HIP1: variants seen among roughly 807,000 people sequenced by gnomAD.
HIP1 encodes the protein huntingtin interacting protein 1.
In HIP1, 65 loss-of-function variants were observed where a neutral mutation model predicts 147.6. That is an observed-to-expected ratio of 0.44 (90% CI 0.36 to 0.54). The LOEUF (loss-of-function observed/expected upper bound fraction) is 0.54, where lower values mean the gene tolerates loss of function less well. Ranked by LOEUF, HIP1 falls within the 20% of genes least tolerant of loss-of-function variation. HIP1 has a pLI of 0.00. For synonymous variants in HIP1, 479 were observed against 504.0 expected, an observed-to-expected ratio of 0.95 and a Z score of 0.67; for missense variants, 1,061 against 1,299.6, an observed-to-expected ratio of 0.82 and a Z score of 2.82.
chr7:75,675,771 G>T (rs781960755), intron 1 of HIP1, among the ~76,000 whole-genome samples: 3 of 152,092 alleles, frequency 2.0e-5, no homozygotes, highest in Non-Finnish European at 4.4e-5. Flanking sequence ...TTAAGGCCAG[G>T]AGTTCAAGAC....
At chr7:75,565,337 C>T (rs1554495321) in intron 9 of HIP1, among the ~76,000 whole-genome samples, 1 of 152,208 alleles carries the variant, frequency 6.6e-6, no homozygotes, top group Admixed American at 6.5e-5. Context: ...GACCACACAT[C>T]CCCATCTTGC....
intron 1 of HIP1, among the ~76,000 whole-genome samples, chr7:75,678,723 T>C (rs1554516420): frequency 6.6e-6 from 1 of 152,146 alleles, no homozygotes. Flanking sequence ...TGCTGGGCCA[T>C]CTGGTTGGCA....
intron 1 of HIP1, among the ~76,000 whole-genome samples, chr7:75,698,779 C>A (rs565393753): frequency 6.6e-6 from 1 of 151,400 alleles, no homozygotes; most frequent in South Asian, 2.1e-4. Context: ...ATGATCATAT[C>A]ATGTACTCCA....
intron 21 of HIP1, 51 bp downstream of exon 21, chr7:75,554,062 G>A: frequency 7.1e-7 from 1 of 1,413,538 alleles, no homozygotes; most frequent in Non-Finnish European, 9.9e-7. Context: ...GACTTTTAAA[G>A]GCCCCCTGCT....
rs199683936 is a variant in HIP1, at chr7:75,563,161, C to T, written c.879+27G>A. On this transcript the variant is annotated intron_variant, in intron 10 of 30. Transcript: ENST00000336926. ...AGAGTACCTGGGGCCTCTGCAGTGC[C>T]GAGGGTGTGTGGTTGGGCATGCTTA... The T allele has an allele frequency of 1.1e-5, 18 of 1,613,658 alleles. No individual in the cohort carries two copies. The African/African-American group carries it at 2.0e-4, about 18-fold the overall frequency.
chr7:75,556,603 T>A (rs1030130832), intron 17 of HIP1, 107 bp downstream of exon 17: 2 of 725,598 alleles, frequency 2.8e-6, no homozygotes, highest in Non-Finnish European at 2.4e-6. Context: ...GAGGATCACC[T>A]GAGCCCAGGG....
intron 1 of HIP1, among the ~76,000 whole-genome samples, chr7:75,648,324 G>C (rs1304181895): frequency 6.6e-6 from 1 of 152,064 alleles, no homozygotes; most frequent in Non-Finnish European, 1.5e-5. Flanking sequence ...GAGTAGCTGG[G>C]GCTGGTTGGA....
chr7:75,619,853 C>T (rs1341529000), intron 1 of HIP1, among the ~76,000 whole-genome samples: 1 of 152,178 alleles, frequency 6.6e-6, no homozygotes, highest in East Asian at 1.9e-4. Context: ...TGTCATCTTG[C>T]TAACTATAGA....
chr7:75,573,521 C>T (rs904462332), intron 8 of HIP1, among the ~76,000 whole-genome samples: 1 of 152,212 alleles, frequency 6.6e-6, no homozygotes, highest in Non-Finnish European at 1.5e-5. Context: ...AAAACGGACA[C>T]CCCAAAGATC....
rs1326467279 is a variant in HIP1, at chr7:75,555,631, A to G, written c.1828-80T>C. On this transcript the variant is annotated intron_variant, in intron 18 of 30. Coordinates refer to ENST00000336926, the MANE Select transcript of HIP1 (RefSeq NM_005338.7). ...GCAGGATGACCTGGCTGGGGCTCTT[A>G]GCATCTTAGCTCAAGTCATGGCCAA... 4 of 1,499,006 alleles carry G rather than the reference A, an allele frequency of 2.7e-6. No homozygotes were observed. The African/African-American group carries it at 5.5e-5, about 21-fold the overall frequency. The allele number at this position is 1,499,006 out of a possible 1,614,324, so 92.9% of individuals were successfully genotyped here.
At chr7:75,606,349 G>T (rs1797223325) in intron 1 of HIP1, among the ~76,000 whole-genome samples, 1 of 152,100 alleles carries the variant, frequency 6.6e-6, no homozygotes, top group South Asian at 2.1e-4. Context: ...GGAGGCCGAG[G>T]GGGGCAGATC....
intron 1 of HIP1, among the ~76,000 whole-genome samples, chr7:75,609,091 C>G (rs782402701): frequency 2.0e-5 from 3 of 152,194 alleles, no homozygotes; most frequent in Non-Finnish European, 4.4e-5. Flanking sequence ...AAAGAAGTTT[C>G]TTCCTAAACC....
intron 1 of HIP1, among the ~76,000 whole-genome samples, chr7:75,672,895 C>T (rs1313133283): frequency 1.3e-5 from 2 of 152,138 alleles, no homozygotes; most frequent in Non-Finnish European, 2.9e-5. Flanking sequence ...CAATTGACCA[C>T]GGATATGTGG....
chr7:75,556,364 C>T (rs1484941197), intron 17 of HIP1, among the ~76,000 whole-genome samples, 195 bp from the exon 18 acceptor site: 2 of 152,094 alleles, frequency 1.3e-5, no homozygotes, highest in Non-Finnish European at 2.9e-5. Context: ...TGGTGGATGA[C>T]AGCAACGCCA....
chr7:75,727,008 C>G (rs960810025), intron 1 of HIP1, among the ~76,000 whole-genome samples: 2 of 151,796 alleles, frequency 1.3e-5, no homozygotes, highest in East Asian at 3.9e-4. Context: ...TTGCATTTTC[C>G]TGATTGCTAA....
intron 12 of HIP1, 122 bp from the exon 13 acceptor site, chr7:75,561,523 A>G (rs1253727886): frequency 4.1e-6 from 3 of 723,670 alleles, no homozygotes; most frequent in African/African-American, 1.7e-5. Flanking sequence ...TTGAAATGCC[A>G]TAAATTATAC....
intron 1 of HIP1, among the ~76,000 whole-genome samples, chr7:75,738,507 C>T (rs780363191): frequency 2.0e-5 from 3 of 152,136 alleles, no homozygotes; most frequent in African/African-American, 4.8e-5. Flanking sequence ...TCCTTCCCCT[C>T]TCACCTCATC....
chr7:75,536,610 T>G lies in HIP1; in HGVS notation c.*1562A>C, dbSNP rs1794092589. 1 of 230,148 alleles carries G rather than the reference T, an allele frequency of 4.3e-6. No homozygotes were observed. The highest frequency in any genetic ancestry group is 8.6e-6 in the Non-Finnish European group (1 of 116,232). The allele number at this position is 230,148 out of a possible 1,614,324, so 14.3% of individuals were successfully genotyped here. A position where few individuals can be genotyped will look rare whatever the true frequency, so the allele number is the denominator to read the frequency against. ...CCTGGCAAGCTGTTCATGTGCCCTC[T>G]GTCCTCATCCTGTCCACAGGGCAGC... is the stretch of plus-strand genomic sequence containing the variant. On this transcript the variant is annotated 3_prime_UTR_variant, in exon 31 of 31. Coordinates refer to ENST00000336926, the MANE Select transcript of HIP1 (RefSeq NM_005338.7).
At chr7:75,595,187 C>CTTT (rs1554501607) in intron 2 of HIP1, among the ~76,000 whole-genome samples, 2 of 108,340 alleles carry the variant, frequency 1.8e-5, no homozygotes, top group Non-Finnish European at 2.0e-5. Context: ...GTGTAGGAGT[C>CTTT]CTTTCTTTCT....
Sources: allele counts gnomAD v4.1 joint callset (sites outside exome capture counted in the v4.1 genomes callset), GRCh38; gene constraint gnomAD v4.1.1; transcripts MANE v1.5; gene names NCBI Gene and HGNC (gene_info 2026-07-23, HGNC 2026-07-21).